Variants in MCCC1 observed in about 807,000 individuals in gnomAD.
MCCC1 encodes methylcrotonoyl-CoA carboxylase subunit alpha, mitochondrial.
MCCC1 carries 64 observed loss-of-function variants against 83.8 expected under a neutral mutation model. The observed-to-expected ratio is 0.76, with a 90% CI of 0.62 to 0.94. The LOEUF (loss-of-function observed/expected upper bound fraction) is 0.94. Among genes scored for constraint, MCCC1 ranks in the 40% least tolerant of loss-of-function variants. The pLI is 0.00. For synonymous variants in MCCC1, 322 were observed against 315.4 expected (o/e 1.02, Z -0.22); for missense variants, 807 against 904.7 (o/e 0.89, Z 1.39).
Position 183,040,556 on chromosome 3 carries a change from C to CA in MCCC1, c.1267+1010dup, listed in dbSNP as rs59767617. Among the ~76,000 whole-genome samples the CA allele has an allele frequency of 1.8e-3, 205 of 112,578 alleles. 5 individuals are homozygous for CA. The highest frequency in any genetic ancestry group is 6.2e-3 in the African/African-American group (178 of 28,578). 73.9% of individuals were successfully genotyped at this position (112,578 alleles called of 152,430 possible). ...TGAAAACCTGTCTCTACTAAAAATA[C>CA]AAAAAAAAAAAAAAAAATTAGCTAG... On this transcript the variant is annotated intron_variant, in intron 11 of 18. Coordinates refer to ENST00000265594, the MANE Select transcript of MCCC1 (RefSeq NM_020166.5).
At position 183,022,162 on chromosome 3, in the gene MCCC1, T is replaced by C. The variant is rs73883998; in HGVS notation, c.1869+255A>G. 0.035 allele frequency among the ~76,000 whole-genome samples: 5,370 copies of C among 152,264 alleles called. 266 individuals are homozygous for C. Among genetic ancestry groups the C allele is most frequent in the African/African-American group, 0.1 (4,272 of 41,534 alleles). On this transcript the variant is annotated intron_variant, in intron 16 of 18. Transcript: ENST00000265594. ...TGCTCTGACAAAGAAAATGGAAGGA[T>C]TTGTTTCAGAATTCAGGAAGAAAAT...
chr3:183,034,118 C>G (rs745456482), intron 13 of MCCC1, 41 bp from the exon 14 acceptor site: 1 of 1,353,344 alleles, frequency 7.4e-7, no homozygotes. Context: ...TTATGAGTAT[C>G]AAGCCTATGA....
chr3:183,021,980 A>T (rs1363775725), intron 16 of MCCC1, among the ~76,000 whole-genome samples: 1 of 151,574 alleles, frequency 6.6e-6, no homozygotes, highest in Non-Finnish European at 1.5e-5. Flanking sequence ...CCTACTGTCC[A>T]CCTTCCCCAC....
chr3:183,034,217 A>G lies in MCCC1; in HGVS notation c.1595-140T>C, dbSNP rs188239823. On this transcript the variant is annotated intron_variant, in intron 13 of 18. Coordinates refer to ENST00000265594, the MANE Select transcript of MCCC1 (RefSeq NM_020166.5). ...TGTAATCCCAGCACTTTGGGAGGCC[A>G]AGGCGGGCGGATCATGAGGTCAGGA... is the stretch of plus-strand genomic sequence containing the variant. 7.0e-4 allele frequency: 437 copies of G among 628,054 alleles called. 2 individuals carry two copies. The highest frequency in any genetic ancestry group is 9.4e-4 in the Non-Finnish European group (327 of 348,238). The allele number at this position is 628,054 out of a possible 1,614,324, so 38.9% of individuals were successfully genotyped here.
chr3:183,071,199 C>CCAAAAGAAA lies in MCCC1; in HGVS notation c.639+10_639+11insTTTCTTTTG, dbSNP rs759499648. The CCAAAAGAAA allele has an allele frequency of 3.0e-5, 49 of 1,614,094 alleles. No individual in the cohort carries two copies. The highest frequency in any genetic ancestry group is 1.0e-4 in the Admixed American group (6 of 60,000). ...GCCTGAATTGGCAAACACAAGCATG[C>CCAAAAGAAA]ACAATCTTACTTTTCCTCCTCCACC... On this transcript the variant is annotated intron_variant, in intron 6 of 18. Coordinates refer to ENST00000265594, the MANE Select transcript of MCCC1 (RefSeq NM_020166.5).
chr3:183,067,454 G>GTA (rs1349742680), intron 7 of MCCC1, among the ~76,000 whole-genome samples: 2 of 152,222 alleles, frequency 1.3e-5, no homozygotes, highest in Non-Finnish European at 1.5e-5. Context: ...ATCAGGCCAT[G>GTA]TATAATAAAG....
In MCCC1 at chr3:183,015,558, T is replaced by G; in HGVS notation, c.2058A>C (p.Ile686=). 6.2e-7 allele frequency: 1 copy of G among 1,614,144 alleles called. No homozygotes were observed. Among genetic ancestry groups the G allele is most frequent in the Non-Finnish European group, 8.5e-7 (1 of 1,180,014 alleles). ...TTACTGTGCCATCCTTTGGAGACTTTATGGTATGCTGCAGAGACACATGAC... is the reference window on the plus strand; with the variant it reads ...TTACTGTGCCATCCTTTGGAGACTTGATGGTATGCTGCAGAGACACATGAC... The part of the protein sequence containing the change: ...VMIAMKMEHT[I]KSPKDGTVKK... Residue 686 remains isoleucine, a synonymous_variant, in exon 19 of 19, where the codon ATA becomes ATC. Transcript: ENST00000265594.
chr3:183,033,183 T>C (rs1402307301), intron 14 of MCCC1, among the ~76,000 whole-genome samples: 1 of 152,206 alleles, frequency 6.6e-6, no homozygotes, highest in Admixed American at 6.5e-5. Context: ...CAGCCAAAAG[T>C]TTATAAACTG....
chr3:183,028,657 G>A (rs1294203122), intron 14 of MCCC1, among the ~76,000 whole-genome samples: 2 of 152,230 alleles, frequency 1.3e-5, no homozygotes, highest in African/African-American at 2.4e-5. Context: ...CTTTAGCAGA[G>A]GAAGTAACTG....
intron 14 of MCCC1, 98 bp downstream of exon 14, chr3:183,033,893 G>C: frequency 1.1e-6 from 1 of 912,872 alleles, no homozygotes; most frequent in Non-Finnish European, 1.8e-6. Flanking sequence ...TTTAAAAAAT[G>C]TAACTGACTG....
chr3:183,015,393 T>A lies in MCCC1; in HGVS notation c.*45A>T, dbSNP rs186406584. 1.1e-3 allele frequency: 1,785 copies of A among 1,611,816 alleles called. 1 individual carries two copies. Among genetic ancestry groups the A allele is most frequent in the Non-Finnish European group, 1.3e-3 (1,561 of 1,178,008 alleles). On this transcript the variant is annotated 3_prime_UTR_variant, in exon 19 of 19. Transcript: ENST00000265594. The stretch of plus-strand genomic sequence containing the variant: ...AGCTGGAGGCACTTCCTCTTTTTGG[T>A]GGAGAGAGAAGACACTACTTAACTG...
intron 7 of MCCC1, among the ~76,000 whole-genome samples, chr3:183,070,268 C>A (rs913058281): frequency 4.0e-5 from 6 of 151,818 alleles, no homozygotes; most frequent in African/African-American, 1.5e-4. Context: ...GAATTTATTA[C>A]AATAATTTGC....
chr3:183,110,179 C>T (rs1719470349), intron 1 of MCCC1, among the ~76,000 whole-genome samples: 1 of 152,116 alleles, frequency 6.6e-6, no homozygotes, highest in Non-Finnish European at 1.5e-5. Context: ...CAAATATTTT[C>T]TCCCATTCTG....
At chr3:183,082,022 T>A (rs1560268856) in intron 4 of MCCC1, among the ~76,000 whole-genome samples, 1 of 152,192 alleles carries the variant, frequency 6.6e-6, no homozygotes, top group South Asian at 2.1e-4. Flanking sequence ...AGGTGAACAG[T>A]ATGAGAGACC....
chr3:183,090,545 C>T (rs1718241241), intron 3 of MCCC1, among the ~76,000 whole-genome samples: 1 of 151,906 alleles, frequency 6.6e-6, no homozygotes, highest in Non-Finnish European at 1.5e-5. Context: ...AATATTTTTT[C>T]ATGGTAAGAC....
intron 4 of MCCC1, among the ~76,000 whole-genome samples, chr3:183,083,261 G>A (rs1410583360): frequency 1.3e-5 from 2 of 151,928 alleles, no homozygotes; most frequent in East Asian, 1.9e-4. Flanking sequence ...TCTCCTAATC[G>A]GCAAGTATCT....
rs577990491 is a variant in MCCC1, at chr3:183,063,876, T to G, written c.762-6454A>C. ...GACTGCAGCACTGATTGGCCAACTT[T>G]GGGTAAGCGGGGTGCATACACCCGG... On this transcript the variant is annotated intron_variant, in intron 7 of 18. Coordinates refer to ENST00000265594, the MANE Select transcript of MCCC1 (RefSeq NM_020166.5). Among the ~76,000 whole-genome samples, 19 of 152,182 alleles carry G rather than the reference T, an allele frequency of 1.2e-4. No homozygotes were observed. In the South Asian group the frequency reaches 4.0e-3, roughly 32 times the overall value.
chr3:183,103,890 C>T (rs1334707316), upstream of MCCC1, among the ~76,000 whole-genome samples: 3 of 152,204 alleles, frequency 2.0e-5, no homozygotes, highest in South Asian at 2.1e-4. Context: ...AGCCCTGCCC[C>T]GCGGGGAGGC....
At chr3:183,038,463 C>T (rs1713805543) in intron 12 of MCCC1, among the ~76,000 whole-genome samples, 1 of 152,092 alleles carries the variant, frequency 6.6e-6, no homozygotes, top group Non-Finnish European at 1.5e-5. Flanking sequence ...CAATTATTAA[C>T]AATAACAAGT....
Sources: allele counts gnomAD v4.1 joint callset (sites outside exome capture counted in the v4.1 genomes callset), GRCh38; gene constraint gnomAD v4.1.1; transcripts MANE v1.5; gene names NCBI Gene and HGNC (gene_info 2026-07-23, HGNC 2026-07-21).